Variants in RNF125 observed in about 807,000 individuals in gnomAD.
The protein encoded by RNF125 is E3 ubiquitin-protein ligase RNF125.
RNF125 carries 21 observed loss-of-function variants against 26.0 expected under a neutral mutation model. That is an observed-to-expected ratio of 0.81 (90% CI 0.57 to 1.16). The LOEUF (loss-of-function observed/expected upper bound fraction) is 1.16, where lower values mean the gene tolerates loss of function less well. Ranked by LOEUF, RNF125 falls within the 50% of genes most tolerant of loss-of-function variation. The probability of loss-of-function intolerance (pLI) is 0.00; values close to 1 mark genes in which losing one functional copy is unlikely to be tolerated. For missense variants in RNF125, 270 were observed against 299.4 expected (o/e 0.90, Z 0.72); for synonymous variants, 95 against 109.2 (o/e 0.87, Z 0.81).
chr18:32,045,880 G>T, intron 4 of RNF125, 148 bp downstream of exon 4: 1 of 535,536 alleles, frequency 1.9e-6, no homozygotes, highest in East Asian at 3.2e-5. Flanking sequence ...TTTACAATGT[G>T]TGAAAGTGTT....
intron 4 of RNF125, among the ~76,000 whole-genome samples, chr18:32,050,705 C>T (rs1410571293): frequency 6.6e-6 from 1 of 151,844 alleles, no homozygotes; most frequent in Non-Finnish European, 1.5e-5. Context: ...GTGACACAAA[C>T]AGCATGCTTT....
At chr18:32,051,012 C>T (rs75901996) in intron 4 of RNF125, among the ~76,000 whole-genome samples, 7 of 151,208 alleles carry the variant, frequency 4.6e-5, no homozygotes, top group South Asian at 2.1e-4. Context: ...CATGAGCCAC[C>T]GCGCCTGGCC....
chr18:32,064,816 G>A (rs759025274), intron 4 of RNF125, among the ~76,000 whole-genome samples: 14 of 152,106 alleles, frequency 9.2e-5, no homozygotes, highest in South Asian at 2.1e-4. Context: ...GTGAGCCACC[G>A]CTCCTGGCCA....
intron 4 of RNF125, among the ~76,000 whole-genome samples, chr18:32,061,320 G>C (rs1181681894): frequency 6.6e-6 from 1 of 152,132 alleles, no homozygotes; most frequent in East Asian, 1.9e-4. Context: ...CCCCGTGCCT[G>C]GCCTAAAATT....
chr18:32,048,273 A>G (rs1409824110), intron 4 of RNF125, among the ~76,000 whole-genome samples: 1 of 150,740 alleles, frequency 6.6e-6, no homozygotes, highest in East Asian at 1.9e-4. Flanking sequence ...AAAAAAAAAA[A>G]AAATTAGCCG....
In RNF125 at chr18:32,057,573, G is replaced by C. The variant is rs149560470; in HGVS notation, c.505-8329G>C. ...TGGTCTCAAACTCCTTACCTCAGGT[G>C]ATCTGCCCACCTCAGCCTCCCAAAA... On this transcript the variant is annotated intron_variant, in intron 4 of 5. Coordinates refer to ENST00000217740, the MANE Select transcript of RNF125 (RefSeq NM_017831.4). Among the ~76,000 whole-genome samples the C allele has an allele frequency of 5.3e-3, 802 of 152,120 alleles. 7 individuals carry two copies. The highest frequency in any genetic ancestry group is 0.018 in the African/African-American group (760 of 41,512).
At chr18:32,034,632 G>A (rs1406434798) in intron 1 of RNF125, among the ~76,000 whole-genome samples, 5 of 152,122 alleles carry the variant, frequency 3.3e-5, no homozygotes, top group Non-Finnish European at 7.3e-5. Flanking sequence ...AAAATTACTG[G>A]CCGGGCACAG....
intron 2 of RNF125, among the ~76,000 whole-genome samples, chr18:32,040,997 T>C (rs1388633392): frequency 6.6e-6 from 1 of 152,236 alleles, no homozygotes; most frequent in Non-Finnish European, 1.5e-5. Context: ...TGCCCTTTGT[T>C]AAACAATTAT....
At chr18:32,063,392 A>C (rs2039453292) in intron 4 of RNF125, among the ~76,000 whole-genome samples, 1 of 152,184 alleles carries the variant, frequency 6.6e-6, no homozygotes, top group African/African-American at 2.4e-5. Flanking sequence ...GTTTAACAAA[A>C]TGGCTCAAAT....
rs71177836 is a variant in RNF125 at position 32,051,615 on chromosome 18, T to TAA, written c.504+5905_504+5906dup. Among the ~76,000 whole-genome samples the TAA allele has an allele frequency of 4.3e-3, 336 of 78,932 alleles. 3 individuals carry two copies. The highest frequency in any genetic ancestry group is 9.3e-3 in the African/African-American group (193 of 20,642). The allele number at this position is 78,932 out of a possible 152,430, so 51.8% of individuals were successfully genotyped here. ...GGGCGACAAGAGCAAGACTCAGTCT[T>TAA]AAAAAAAAAAAAAAAAAAAAAAAGG... On this transcript the variant is annotated intron_variant, in intron 4 of 5. Coordinates refer to ENST00000217740, the MANE Select transcript of RNF125 (RefSeq NM_017831.4).
intron 1 of RNF125, 42 bp downstream of exon 1, chr18:32,019,069 G>A (rs749414551): frequency 6.3e-7 from 1 of 1,597,676 alleles, no homozygotes; most frequent in Admixed American, 1.8e-5. Flanking sequence ...CCCCTAAGGA[G>A]GGCGATGTGG....
intron 1 of RNF125, chr18:32,031,501 A>G (rs2039095093): frequency 6.6e-6 from 1 of 150,918 alleles, no homozygotes; most frequent in African/African-American, 2.4e-5. Context: ...AAAAAAAAAA[A>G]AAAAAAAAAA....
chr18:32,044,367 A>G (rs190229121), intron 3 of RNF125, among the ~76,000 whole-genome samples: 1 of 152,322 alleles, frequency 6.6e-6, no homozygotes, highest in African/African-American at 2.4e-5. Context: ...TAAACAAATA[A>G]GAAGATAAAG....
At chr18:32,065,205 C>T (rs2039472781) in intron 4 of RNF125, among the ~76,000 whole-genome samples, 1 of 151,958 alleles carries the variant, frequency 6.6e-6, no homozygotes, top group African/African-American at 2.4e-5. Context: ...GAATGGTTAC[C>T]TGTTGTTGTT....
At chr18:32,019,904 G>A (rs2038969549) in intron 1 of RNF125, among the ~76,000 whole-genome samples, 1 of 152,140 alleles carries the variant, frequency 6.6e-6, no homozygotes, top group Admixed American at 6.5e-5. Context: ...TTTCTAAGAA[G>A]AATTTAAAAA....
In RNF125 at chr18:32,037,265, C is replaced by T. The variant is rs372563936; in HGVS notation, c.314C>T (p.Thr105Ile). ...SEYKNCAECDTLVCLSEMRAH... is the reference protein window; with the variant it reads ...SEYKNCAECDILVCLSEMRAH... ...TATAAGAACTGCGCTGAGTGTGACA[C>T]CCTGGTATGTATGTGACCCCACCTA... Residue 105 changes from threonine to isoleucine, a missense_variant, in exon 2 of 6, where the codon ACC becomes ATC. By Grantham distance (89) the Thr-to-Ile change is moderately conservative. Transcript: ENST00000217740. The T allele has an allele frequency of 9.6e-6, 15 of 1,564,382 alleles. No individual in the cohort carries two copies. Among genetic ancestry groups the T allele is most frequent in the Non-Finnish European group, 1.3e-5 (15 of 1,160,358 alleles).
intron 4 of RNF125, among the ~76,000 whole-genome samples, chr18:32,052,891 T>A (rs1279195103): frequency 2.0e-5 from 3 of 152,234 alleles, no homozygotes; most frequent in Admixed American, 6.5e-5. Flanking sequence ...ATTGCATACA[T>A]AGTACTTGGC....
intron 4 of RNF125, among the ~76,000 whole-genome samples, chr18:32,060,630 A>G (rs2039425862): frequency 6.6e-6 from 1 of 152,226 alleles, no homozygotes; most frequent in Non-Finnish European, 1.5e-5. Flanking sequence ...AATGGACAAC[A>G]TTGAGTATAA....
the RNF125 span, among the ~76,000 whole-genome samples, chr18:32,080,849 C>G: frequency 6.6e-6 from 1 of 152,120 alleles, no homozygotes; most frequent in Non-Finnish European, 1.5e-5. Context: ...GCACTCTAGC[C>G]TGGGGGACTG....
Sources: gnomAD v4.1 joint callset for allele counts (sites outside exome capture counted in the v4.1 genomes callset) on GRCh38, gnomAD v4.1.1 for gene constraint, MANE v1.5 for transcripts, NCBI Gene and HGNC (gene_info 2026-07-23, HGNC 2026-07-21) for gene names.